Variants in LRRC37A2 observed in about 807,000 individuals in gnomAD.
LRRC37A2 encodes leucine rich repeat containing 37 member A2, also known as leucine-rich repeat-containing protein 37A2.
Under a neutral mutation model 68.8 loss-of-function variants are expected in LRRC37A2, and 9 were observed. The ratio of observed to expected loss-of-function variants is 0.13; its 90% CI spans 0.08 to 0.23. The LOEUF is 0.23. LRRC37A2 is among the 10% of genes least tolerant of loss of function. LRRC37A2 has a pLI of 1.00. For missense variants in LRRC37A2, 168 were observed against 950.4 expected, an observed-to-expected ratio of 0.18 and a Z score of 10.82; for synonymous variants, 63 against 367.6, an observed-to-expected ratio of 0.17 and a Z score of 9.48.
chr17:46,856,476 T>A, the LRRC37A2 span, among the ~76,000 whole-genome samples: 1 of 151,810 alleles, frequency 6.6e-6, no homozygotes, highest in Non-Finnish European at 1.5e-5. Context: ...ATGAAATGCA[T>A]GCTTTTTCTT....
At chr17:46,938,335 A>T in the LRRC37A2 span, among the ~76,000 whole-genome samples, 2 of 152,244 alleles carry the variant, frequency 1.3e-5, no homozygotes, top group African/African-American at 2.4e-5. Context: ...TATAAAATAC[A>T]TACCTGTGAT....
the LRRC37A2 span, among the ~76,000 whole-genome samples, chr17:46,499,626 C>G: frequency 8.8e-6 from 1 of 113,244 alleles, no homozygotes; most frequent in African/African-American, 4.6e-5. Flanking sequence ...GAGTAATTGC[C>G]TGTAATATAA....
At chr17:46,771,925 G>A in the LRRC37A2 span, among the ~76,000 whole-genome samples, 1 of 145,038 alleles carries the variant, frequency 6.9e-6, no homozygotes, top group Non-Finnish European at 1.5e-5. Context: ...AGCGCCTCGG[G>A]CCCGCCGCGC....
chr17:46,970,761 C>G, the LRRC37A2 span, among the ~76,000 whole-genome samples: 3 of 152,136 alleles, frequency 2.0e-5, no homozygotes, highest in Non-Finnish European at 4.4e-5. Context: ...TAAAAGAGAA[C>G]CAGGTACAAG....
chr17:46,905,937 A>C, the LRRC37A2 span, among the ~76,000 whole-genome samples: 1 of 152,098 alleles, frequency 6.6e-6, no homozygotes. Flanking sequence ...GCAATGAGGG[A>C]GTGGCCAGGA....
chr17:46,809,428 A>G, the LRRC37A2 span, among the ~76,000 whole-genome samples: 1 of 152,196 alleles, frequency 6.6e-6, no homozygotes, highest in African/African-American at 2.4e-5. Flanking sequence ...AAGGTCTTCC[A>G]GACAGACCTG....
At chr17:47,024,743 C>T in the LRRC37A2 span, 1 of 833,524 alleles carries the variant, frequency 1.2e-6, no homozygotes, top group Non-Finnish European at 2.1e-6. Context: ...TGCTATCCCT[C>T]CAGTATTTGT....
the LRRC37A2 span, among the ~76,000 whole-genome samples, chr17:46,823,435 C>T: frequency 6.6e-5 from 10 of 150,604 alleles, no homozygotes; most frequent in Middle Eastern, 6.8e-3. Context: ...AGGCTGGTCT[C>T]GAACTCCTGA....
the LRRC37A2 span, among the ~76,000 whole-genome samples, chr17:46,894,297 ATT>A: frequency 6.6e-6 from 1 of 152,196 alleles, no homozygotes; most frequent in African/African-American, 2.4e-5. Flanking sequence ...GGGCAATGTG[ATT>A]GACTGAGTCC....
At chr17:46,532,766 C>G (rs1250712859) in intron 6 of LRRC37A2, among the ~76,000 whole-genome samples, 2 of 147,530 alleles carry the variant, frequency 1.4e-5, no homozygotes, top group South Asian at 4.3e-4. Flanking sequence ...TCTCTAAGAA[C>G]AATAGTAATG....
the LRRC37A2 span, among the ~76,000 whole-genome samples, chr17:46,735,068 A>G: frequency 6.6e-6 from 1 of 152,200 alleles, no homozygotes. Context: ...AAACCAACAA[A>G]AAACAGTGAA....
At chr17:46,838,765 C>A in the LRRC37A2 span, among the ~76,000 whole-genome samples, 1 of 152,098 alleles carries the variant, frequency 6.6e-6, no homozygotes, top group African/African-American at 2.4e-5. Context: ...CAGATGCAGT[C>A]CATAAAAATC....
chr17:46,712,530 AGAT>A, the LRRC37A2 span, among the ~76,000 whole-genome samples: 2 of 152,362 alleles, frequency 1.3e-5, no homozygotes, highest in South Asian at 2.1e-4. Flanking sequence ...TCTGGAAGAA[AGAT>A]GATGAGTTCA....
At chr17:46,991,466 A>C in the LRRC37A2 span, among the ~76,000 whole-genome samples, 1 of 152,018 alleles carries the variant, frequency 6.6e-6, no homozygotes, top group African/African-American at 2.4e-5. Flanking sequence ...ATCTCTATCA[A>C]AAATACAAAA....
chr17:46,841,100 G>A, the LRRC37A2 span, among the ~76,000 whole-genome samples: 25 of 152,188 alleles, frequency 1.6e-4, no homozygotes, highest in African/African-American at 4.8e-4. Flanking sequence ...CTAGGAAAGA[G>A]GGTGCCGACA....
chr17:46,575,086 G>A, the LRRC37A2 span, among the ~76,000 whole-genome samples: 1 of 83,338 alleles, frequency 1.2e-5, no homozygotes. Flanking sequence ...GACAGAGCGA[G>A]ACTCTATCTC....
At chr17:46,862,683 AG>A in the LRRC37A2 span, among the ~76,000 whole-genome samples, 1 of 152,134 alleles carries the variant, frequency 6.6e-6, no homozygotes, top group Non-Finnish European at 1.5e-5. Context: ...CCCAGGTTCA[AG>A]GGATTCTCCT....
At chr17:47,003,265 A>AT in the LRRC37A2 span, among the ~76,000 whole-genome samples, 11 of 137,986 alleles carry the variant, frequency 8.0e-5, no homozygotes, top group Admixed American at 2.2e-4. Context: ...AAAAAAAAAA[A>AT]GCTCAGCCAT....
At chr17:46,727,138 TAATA>T in the LRRC37A2 span, among the ~76,000 whole-genome samples, 17 of 152,196 alleles carry the variant, frequency 1.1e-4, 1 homozygote, top group Non-Finnish European at 2.5e-4. Flanking sequence ...AAAAATGGGA[TAATA>T]AATCTTGAAA....
Sources: allele counts gnomAD v4.1 joint callset (sites outside exome capture counted in the v4.1 genomes callset), GRCh38; gene constraint gnomAD v4.1.1; transcripts MANE v1.5; gene names NCBI Gene and HGNC (gene_info 2026-07-23, HGNC 2026-07-21).